Variants in EEPD1 observed in about 807,000 individuals in gnomAD.
The protein encoded by EEPD1 is endonuclease/exonuclease/phosphatase family domain containing 1, also known as endonuclease/exonuclease/phosphatase family domain-containing protein 1.
In EEPD1, 17 loss-of-function variants were observed where a neutral mutation model predicts 46.3. The observed-to-expected ratio is 0.37, with a 90% CI of 0.25 to 0.55. The LOEUF (loss-of-function observed/expected upper bound fraction) is 0.55. Among genes scored for constraint, EEPD1 ranks in the 20% least tolerant of loss-of-function variants. EEPD1 has a pLI of 0.83. For missense variants in EEPD1, 673 were observed against 745.6 expected (o/e 0.90, Z 1.13); for synonymous variants, 313 against 315.6 (o/e 0.99, Z 0.09).
At chr7:36,153,904 C>G (rs1482171974) in intron 1 of EEPD1, among the ~76,000 whole-genome samples, 1 of 152,144 alleles carries the variant, frequency 6.6e-6, no homozygotes, top group Non-Finnish European at 1.5e-5. Flanking sequence ...GGATAGGTCT[C>G]TTCCCAAGAG....
At chr7:36,206,941 C>T (rs543529074) in intron 2 of EEPD1, among the ~76,000 whole-genome samples, 3 of 152,054 alleles carry the variant, frequency 2.0e-5, no homozygotes, top group South Asian at 2.1e-4. Flanking sequence ...CCCAGCTATT[C>T]GGGAGGCTGA....
At chr7:36,267,460 G>A (rs1422309189) in intron 3 of EEPD1, among the ~76,000 whole-genome samples, 1 of 152,044 alleles carries the variant, frequency 6.6e-6, no homozygotes, top group Non-Finnish European at 1.5e-5. Context: ...TGCACATGCT[G>A]TCTGTGCTGC....
chr7:36,173,961 T>G (rs1175735410), intron 2 of EEPD1, among the ~76,000 whole-genome samples: 3 of 152,196 alleles, frequency 2.0e-5, no homozygotes, highest in Non-Finnish European at 4.4e-5. Context: ...ATCATCCTGA[T>G]CTCTGATGGA....
intron 5 of EEPD1, among the ~76,000 whole-genome samples, chr7:36,286,358 A>G (rs1787342107): frequency 6.6e-6 from 1 of 152,220 alleles, no homozygotes; most frequent in Admixed American, 6.5e-5. Flanking sequence ...GCAGCTGCAG[A>G]GCTCTTGGTC....
intron 6 of EEPD1, among the ~76,000 whole-genome samples, chr7:36,293,216 A>C (rs1439224560): frequency 6.6e-6 from 1 of 152,226 alleles, no homozygotes; most frequent in African/African-American, 2.4e-5. Flanking sequence ...GAAAATAATA[A>C]GACTTCAGTG....
chr7:36,180,015 G>A (rs764171493), intron 2 of EEPD1, among the ~76,000 whole-genome samples: 1 of 152,258 alleles, frequency 6.6e-6, no homozygotes, highest in African/African-American at 2.4e-5. Flanking sequence ...GATTCCAAGC[G>A]TGGCTCCTCC....
chr7:36,174,013 G>T (rs1207683835), intron 2 of EEPD1, among the ~76,000 whole-genome samples: 1 of 152,214 alleles, frequency 6.6e-6, no homozygotes, highest in East Asian at 1.9e-4. Flanking sequence ...GAAGAGCTCA[G>T]TCTGGCTGTG....
intron 3 of EEPD1, among the ~76,000 whole-genome samples, chr7:36,264,171 G>A (rs1786975068): frequency 6.6e-6 from 1 of 152,178 alleles, no homozygotes; most frequent in Non-Finnish European, 1.5e-5. Context: ...TTGCAGTTTG[G>A]TCTCTCTAGT....
Position 36,299,165 on chromosome 7 carries a change from G to C in EEPD1, c.1669G>C (p.Ala557Pro). ...TGCCCCTCGGAACGGCAGCGGGGTGGCCTTGGAGCGAAGTGAAGCCAACAT... is the reference window on the plus strand; with the variant it reads ...TGCCCCTCGGAACGGCAGCGGGGTGCCCTTGGAGCGAAGTGAAGCCAACAT... ...KDAPRNGSGV[A>P]LERSEANIKH... Residue 557 changes from alanine to proline, a missense_variant, in exon 8 of 8, where the codon GCC becomes CCC. Transcript: ENST00000242108. 1 of 1,614,206 alleles carries C rather than the reference G, an allele frequency of 6.2e-7. No homozygotes were observed. The highest frequency in any genetic ancestry group is 8.5e-7 in the Non-Finnish European group (1 of 1,180,030).
At chr7:36,176,851 C>T (rs530177806) in intron 2 of EEPD1, among the ~76,000 whole-genome samples, 1 of 152,232 alleles carries the variant, frequency 6.6e-6, no homozygotes, top group East Asian at 1.9e-4. Context: ...TAAAGTTATA[C>T]AAACTAAAAA....
rs774124634 is a variant in EEPD1 at position 36,287,611 on chromosome 7, C to T, written c.1177-28C>T. 1.9e-6 allele frequency: 3 copies of T among 1,608,668 alleles called. No individual in the cohort carries two copies. In the South Asian group the frequency reaches 3.3e-5, roughly 18 times the overall value. On this transcript the variant is annotated intron_variant, in intron 5 of 7. Transcript: ENST00000242108. The stretch of plus-strand genomic sequence containing the variant: ...AGGAAATATGAGCTTCTGAGCCTCT[C>T]CCTGTTGCTTTGTTTCCTGCTGCCT...
intron 2 of EEPD1, among the ~76,000 whole-genome samples, chr7:36,198,102 A>G (rs1308612051): frequency 6.6e-6 from 1 of 152,008 alleles, no homozygotes; most frequent in African/African-American, 2.4e-5. Context: ...TTTCAGATGT[A>G]AGAGTAAAGT....
chr7:36,265,983 G>A (rs547077208), intron 3 of EEPD1, among the ~76,000 whole-genome samples: 105 of 152,262 alleles, frequency 6.9e-4, no homozygotes, highest in South Asian at 2.3e-3. Flanking sequence ...GTGCAACTCC[G>A]CCTTCTCAGC....
At chr7:36,219,068 T>C (rs1215665932) in intron 2 of EEPD1, among the ~76,000 whole-genome samples, 1 of 152,106 alleles carries the variant, frequency 6.6e-6, no homozygotes, top group Non-Finnish European at 1.5e-5. Context: ...ATTTTTCCTT[T>C]GTGGGAAATA....
intron 6 of EEPD1, among the ~76,000 whole-genome samples, chr7:36,287,983 G>A (rs552954302): frequency 1.1e-4 from 16 of 152,310 alleles, no homozygotes; most frequent in African/African-American, 3.6e-4. Context: ...TAGCATATGC[G>A]TTCCAAGCTG....
chr7:36,166,130 C>T (rs1323200830), intron 2 of EEPD1, among the ~76,000 whole-genome samples: 2 of 152,160 alleles, frequency 1.3e-5, no homozygotes, highest in Non-Finnish European at 2.9e-5. Flanking sequence ...ATATTAAATA[C>T]ATGTCCACAC....
Position 36,155,084 on chromosome 7 carries a change from A to C in EEPD1, c.760A>C (p.Thr254Pro). ...TRPSVEAFGG[T>P]RDGRPVLRLA... is the part of the protein sequence containing the mutation. ...GCCGTCCGTGGAGGCCTTTGGAGGCACAAGGGATGGGAGGCCTGTGCTGAG... is the reference window on the plus strand; with the variant it reads ...GCCGTCCGTGGAGGCCTTTGGAGGCCCAAGGGATGGGAGGCCTGTGCTGAG... The change falls in exon 2 of 8, where the codon ACA (threonine) becomes CCA (proline). Residue 254 changes from threonine (T) to proline (P), a missense_variant. Thr to Pro is a conservative substitution (Grantham distance 38). Transcript: ENST00000242108. The C allele has an allele frequency of 6.3e-7, 1 of 1,587,482 alleles. No individual in the cohort carries two copies. Among genetic ancestry groups the C allele is most frequent in the Non-Finnish European group, 8.6e-7 (1 of 1,165,692 alleles).
intron 4 of EEPD1, 46 bp downstream of exon 4, chr7:36,281,271 A>G (rs778606403): frequency 1.9e-6 from 3 of 1,546,610 alleles, no homozygotes; most frequent in Non-Finnish European, 2.7e-6. Flanking sequence ...TTTAATTTAT[A>G]CATACTTTTC....
intron 6 of EEPD1, among the ~76,000 whole-genome samples, chr7:36,290,683 C>A (rs555986628): frequency 1.3e-5 from 2 of 152,254 alleles, no homozygotes; most frequent in Admixed American, 6.5e-5. Flanking sequence ...CAGGGTCTCC[C>A]TCTGTGAACT....
Sources: allele counts gnomAD v4.1 joint callset (sites outside exome capture counted in the v4.1 genomes callset), GRCh38; gene constraint gnomAD v4.1.1; transcripts MANE v1.5; gene names NCBI Gene and HGNC (gene_info 2026-07-23, HGNC 2026-07-21).